GSTA3: variants seen among roughly 807,000 people sequenced by gnomAD.
The protein encoded by GSTA3 is glutathione S-transferase alpha 3.
Under a neutral mutation model 23.1 loss-of-function variants are expected in GSTA3, and 16 were observed. The ratio of observed to expected loss-of-function variants is 0.69; its 90% CI spans 0.47 to 1.05. The LOEUF is 1.05. GSTA3 is among the 50% of genes least tolerant of loss of function. The probability of loss-of-function intolerance (pLI) is 0.00; values close to 1 mark genes in which losing one functional copy is unlikely to be tolerated. For missense variants in GSTA3, 319 were observed against 263.6 expected (o/e 1.21, Z -1.46); for synonymous variants, 122 against 91.0 (o/e 1.34, Z -1.94).
intron 5 of GSTA3, 37 bp from the exon 6 acceptor site, chr6:52,897,993 G>GAGAGAAAATGC: frequency 1.2e-6 from 2 of 1,612,232 alleles, no homozygotes; most frequent in Non-Finnish European, 1.7e-6. Flanking sequence ...GAATACATGC[G>GAGAGAAAATGC]CACCCAGGAT....
At chr6:52,904,474 C>T (rs1486892407) in intron 2 of GSTA3, among the ~76,000 whole-genome samples, 1 of 152,048 alleles carries the variant, frequency 6.6e-6, no homozygotes, top group Non-Finnish European at 1.5e-5. Context: ...TGCTTATTTC[C>T]TCATAGGTTT....
chr6:52,908,651 G>A (rs1408871324), intron 1 of GSTA3, among the ~76,000 whole-genome samples: 1 of 152,140 alleles, frequency 6.6e-6, no homozygotes, highest in Middle Eastern at 3.2e-3. Flanking sequence ...TAGAAACATC[G>A]TGACTACACA....
At chr6:52,905,711 T>C (rs751679788) in intron 2 of GSTA3, 37 bp downstream of exon 2, 35 of 1,169,490 alleles carry the variant, frequency 3.0e-5, no homozygotes, top group Non-Finnish European at 4.1e-5. Flanking sequence ...ATACAGTCAA[T>C]TAGGTCCAAC....
chr6:52,904,237 C>T (rs1009741021), intron 2 of GSTA3, among the ~76,000 whole-genome samples: 1 of 152,072 alleles, frequency 6.6e-6, no homozygotes, highest in African/African-American at 2.4e-5. Context: ...CAATCCTCCC[C>T]TATCGGCCTC....
At chr6:52,905,990 C>T in intron 1 of GSTA3, 135 bp from the exon 2 acceptor site, 2 of 491,492 alleles carry the variant, frequency 4.1e-6, no homozygotes, top group Non-Finnish European at 7.2e-6. Context: ...CCTCTGAATT[C>T]TGTTTGCACT....
At chr6:52,903,842 T>C in intron 2 of GSTA3, 115 bp from the exon 3 acceptor site, 1 of 673,032 alleles carries the variant, frequency 1.5e-6, no homozygotes, top group East Asian at 2.7e-5. Context: ...GATTTCTGAG[T>C]TTGGCAGGGG....
intron 2 of GSTA3, among the ~76,000 whole-genome samples, chr6:52,904,253 G>T (rs1765813011): frequency 6.6e-6 from 1 of 152,034 alleles, no homozygotes. Flanking sequence ...GCCTCCCAAA[G>T]TGCTGGGATT....
At position 52,899,967 on chromosome 6, in the gene GSTA3, T is replaced by C; in HGVS notation, c.381A>G (p.Lys127=). The change falls in exon 5 of 7, where the codon AAA becomes AAG. Residue 127 remains lysine, a synonymous_variant. Transcript: ENST00000211122. Reference sequence around the variant, plus strand: ...AGGCAGGGAAATAGCGACTTTTTGTTTTCTCTTTGATCAAGGCAATCTTGG... The same window carrying C: ...AGGCAGGGAAATAGCGACTTTTTGTCTTCTCTTTGATCAAGGCAATCTTGG... ...KDAKIALIKE[K]TKSRYFPAFE... is the part of the protein sequence containing the mutation. The C allele has an allele frequency of 6.2e-7, 1 of 1,614,114 alleles. No homozygotes were observed. The highest frequency in any genetic ancestry group is 8.5e-7 in the Non-Finnish European group (1 of 1,179,998).
At position 52,902,230 on chromosome 6, in the gene GSTA3, G is replaced by T. The variant is rs2281593; in HGVS notation, c.272+116C>A. The T allele has an allele frequency of 2.2e-5, 28 of 1,288,662 alleles. No homozygotes were observed. In the East Asian group the frequency reaches 4.6e-4, roughly 21 times the overall value. The allele number at this position is 1,288,662 out of a possible 1,614,324, so 79.8% of individuals were successfully genotyped here. A position where few individuals can be genotyped will look rare whatever the true frequency, so the allele number is the denominator to read the frequency against. ...TGCAATACTGGACCTCAGTATACACGCCCAAGGCCCAGCCTGCTCCTGGTC... is the reference window on the plus strand; with the variant it reads ...TGCAATACTGGACCTCAGTATACACTCCCAAGGCCCAGCCTGCTCCTGGTC... On this transcript the variant is annotated intron_variant, in intron 4 of 6. Coordinates refer to ENST00000211122, the MANE Select transcript of GSTA3 (RefSeq NM_000847.5).
chr6:52,900,019 G>A lies in GSTA3; in HGVS notation c.329C>T (p.Pro110Leu), dbSNP rs2127356119. The change falls in exon 5 of 7, where the codon CCC becomes CTC. Residue 110 changes from proline (P) to leucine (L), a missense_variant. Transcript: ENST00000211122. The part of the protein sequence containing the change: ...ADLNEMILLL[P>L]LCRPEEKDAK... Reference sequence around the variant, plus strand: ...ATCTTTTTCCTCAGGTCGACATAAGGGCAGAAGAAGGATCATTTCATTCAA... The same window carrying A: ...ATCTTTTTCCTCAGGTCGACATAAGAGCAGAAGAAGGATCATTTCATTCAA... The A allele has an allele frequency of 6.2e-7, 1 of 1,613,098 alleles. No homozygotes were observed. Among genetic ancestry groups the A allele is most frequent in the Admixed American group, 1.7e-5 (1 of 60,008 alleles).
intron 1 of GSTA3, among the ~76,000 whole-genome samples, chr6:52,908,156 CTTT>C (rs3063696): frequency 0.023 from 3,104 of 132,988 alleles, 112 homozygotes; most frequent in African/African-American, 0.077. Context: ...CAAGAGCAAT[CTTT>C]TTTTTTTTTT....
Position 52,896,778 on chromosome 6 carries a change from C to T in GSTA3, c.*28G>A, listed in dbSNP as rs750395735. ...GCAAAACTTTAGAATATTGGTCTTG[C>T]ATGTTCTTAGCCTCCATGGCTGCTT... is the stretch of plus-strand genomic sequence containing the variant. On this transcript the variant is annotated 3_prime_UTR_variant, in exon 7 of 7. Coordinates refer to ENST00000211122, the MANE Select transcript of GSTA3 (RefSeq NM_000847.5). The T allele has an allele frequency of 6.2e-6, 10 of 1,612,944 alleles. No homozygotes were observed. The East Asian group carries it at 1.8e-4, about 29-fold the overall frequency.
intron 2 of GSTA3, 58 bp from the exon 3 acceptor site, chr6:52,903,785 T>G: frequency 2.0e-6 from 2 of 1,010,030 alleles, no homozygotes; most frequent in South Asian, 2.7e-5. Flanking sequence ...ATTACAGACT[T>G]GTGACCTTGA....
intron 4 of GSTA3, among the ~76,000 whole-genome samples, chr6:52,900,798 C>T (rs759803638): frequency 2.0e-5 from 3 of 152,164 alleles, no homozygotes; most frequent in Non-Finnish European, 4.4e-5. Context: ...GACTTTTCTC[C>T]TAAGTAATCC....
chr6:52,898,274 C>A (rs1765530740), intron 5 of GSTA3, among the ~76,000 whole-genome samples: 1 of 152,142 alleles, frequency 6.6e-6, no homozygotes, highest in Admixed American at 6.6e-5. Flanking sequence ...CTGCCCCAGG[C>A]CCTACAGCGT....
At chr6:52,901,335 T>C (rs963543332) in intron 4 of GSTA3, among the ~76,000 whole-genome samples, 1 of 152,232 alleles carries the variant, frequency 6.6e-6, no homozygotes, top group East Asian at 1.9e-4. Flanking sequence ...GCTGCCTCTA[T>C]GGGTTTGAAT....
At chr6:52,907,149 C>T (rs1182587886) in intron 1 of GSTA3, among the ~76,000 whole-genome samples, 5 of 129,172 alleles carry the variant, frequency 3.9e-5, no homozygotes, top group Admixed American at 2.6e-4. Flanking sequence ...AAAAAGTGGG[C>T]GAAGGACATG....
chr6:52,908,403 T>C (rs536708927), intron 1 of GSTA3, among the ~76,000 whole-genome samples: 44 of 152,150 alleles, frequency 2.9e-4, no homozygotes, highest in African/African-American at 9.9e-4. Flanking sequence ...TAGTCCCAGA[T>C]ACCCAGGAGG....
At chr6:52,903,975 T>A (rs961439266) in intron 2 of GSTA3, among the ~76,000 whole-genome samples, 2 of 151,998 alleles carry the variant, frequency 1.3e-5, no homozygotes, top group African/African-American at 4.8e-5. Flanking sequence ...TCAATCTTCT[T>A]TTTTATTTTA....
Sources: allele counts gnomAD v4.1 joint callset (sites outside exome capture counted in the v4.1 genomes callset), GRCh38; gene constraint gnomAD v4.1.1; transcripts MANE v1.5; gene names NCBI Gene and HGNC (gene_info 2026-07-23, HGNC 2026-07-21).